Variants in IREB2 observed in about 807,000 individuals in gnomAD.
IREB2 encodes iron responsive element binding protein 2.
A neutral mutation model predicts 118.8 loss-of-function variants in IREB2; 39 were observed. The ratio of observed to expected loss-of-function variants is 0.33; its 90% CI spans 0.25 to 0.43. The LOEUF is 0.43. IREB2 is among the 20% of genes least tolerant of loss of function. The pLI, the probability that IREB2 is intolerant of heterozygous loss-of-function variation, is 1.00. For synonymous variants in IREB2, 372 were observed against 392.2 expected (o/e 0.95, Z 0.61); for missense variants, 900 against 1,147.3 (o/e 0.78, Z 3.11).
In IREB2 at chr15:78,499,078, A is replaced by G. The variant is rs1302817229; in HGVS notation, c.*935A>G. ...CTATACATTTAAATTATCCACCCTCAATAATACGGGTGCTCAACCCTATGC... is the reference window on the plus strand; with the variant it reads ...CTATACATTTAAATTATCCACCCTCGATAATACGGGTGCTCAACCCTATGC... On this transcript the variant is annotated 3_prime_UTR_variant, in exon 22 of 22. Coordinates refer to ENST00000258886, the MANE Select transcript of IREB2 (RefSeq NM_004136.4). 2.0e-5 allele frequency: 3 copies of G among 152,184 alleles called. No individual in the cohort carries two copies. The highest frequency in any genetic ancestry group is 7.2e-5 in the African/African-American group (3 of 41,440). The allele number at this position is 152,184 out of a possible 1,614,324, so 9.4% of individuals were successfully genotyped here. A position where few individuals can be genotyped will look rare whatever the true frequency, so the allele number is the denominator to read the frequency against.
intron 14 of IREB2, 74 bp downstream of exon 14, chr15:78,487,891 T>G: frequency 5.4e-6 from 5 of 932,812 alleles, no homozygotes; most frequent in Non-Finnish European, 8.4e-6. Context: ...ATAGAAAATA[T>G]ATATTGATGT....
intron 2 of IREB2, among the ~76,000 whole-genome samples, chr15:78,456,948 GA>G (rs2051115280): frequency 6.6e-6 from 1 of 152,050 alleles, no homozygotes; most frequent in African/African-American, 2.4e-5. Flanking sequence ...TTTATACTGT[GA>G]AAATGGTAAT....
chr15:78,494,567 T>C (rs922875106), intron 20 of IREB2, among the ~76,000 whole-genome samples: 2 of 152,160 alleles, frequency 1.3e-5, no homozygotes, highest in South Asian at 2.1e-4. Flanking sequence ...TTTATACCTA[T>C]TGATCATTTT....
chr15:78,452,694 C>T (rs1174623155), intron 2 of IREB2, among the ~76,000 whole-genome samples: 1 of 151,994 alleles, frequency 6.6e-6, no homozygotes, highest in Admixed American at 6.6e-5. Context: ...ATCTCTTGAG[C>T]CCAGGAGTTC....
In IREB2 at chr15:78,466,383, C is replaced by T. The variant is rs760542496; in HGVS notation, c.523C>T (p.Arg175Ter). The change falls in exon 5 of 22, where the codon CGA becomes TGA. Residue 175 changes from arginine to a stop codon, truncating the protein, a stop_gained. Transcript: ENST00000258886. LOFTEE classifies it high-confidence loss of function. ...TCCCTGCAGAGGCCAGACTACCTGC[C>T]GAGGATCTTGTGATTCTGGAGAACT... Reference protein sequence around the residue: ...KLPCRGQTTCRGSCDSGELGR... With the variant: ...KLPCRGQTTC The T allele has an allele frequency of 1.2e-6, 2 of 1,613,846 alleles. No homozygotes were observed. The highest frequency in any genetic ancestry group is 8.5e-7 in the Non-Finnish European group (1 of 1,179,868).
At chr15:78,479,296 A>G (rs2051526036) in intron 10 of IREB2, among the ~76,000 whole-genome samples, 4 of 151,744 alleles carry the variant, frequency 2.6e-5, no homozygotes, top group African/African-American at 7.3e-5. Flanking sequence ...TATTTAAGTA[A>G]TGTTATTGTA....
In IREB2 at chr15:78,475,983, C is replaced by G. The variant is rs143647671; in HGVS notation, c.1024-205C>G. Reference sequence around the variant, plus strand: ...TCAGGCCCCTTTCTACCCTGATTAACAGTGACATTGGACCAGTCTTCTCTT... The same window carrying G: ...TCAGGCCCCTTTCTACCCTGATTAAGAGTGACATTGGACCAGTCTTCTCTT... On this transcript the variant is annotated intron_variant, in intron 8 of 21. Transcript: ENST00000258886. 4.4e-4 allele frequency: 173 copies of G among 393,522 alleles called. 1 individual carries two copies. The highest frequency in any genetic ancestry group is 3.1e-3 in the African/African-American group (154 of 49,232). The allele number at this position is 393,522 out of a possible 1,614,324, so 24.4% of individuals were successfully genotyped here. A position where few individuals can be genotyped will look rare whatever the true frequency, so the allele number is the denominator to read the frequency against.
intron 9 of IREB2, among the ~76,000 whole-genome samples, chr15:78,477,430 T>G (rs1026768833): frequency 6.6e-6 from 1 of 152,172 alleles, no homozygotes; most frequent in African/African-American, 2.4e-5. Flanking sequence ...AACAGCAAAT[T>G]ATGAGCTGTC....
At position 78,494,136 on chromosome 15, in the gene IREB2, C is replaced by G; in HGVS notation, c.2473-6C>G. On this transcript the variant is annotated splice_region_variant and splice_polypyrimidine_tract_variant and intron_variant, in intron 19 of 21. Coordinates refer to ENST00000258886, the MANE Select transcript of IREB2 (RefSeq NM_004136.4). ...TAAAAAATTTTGTGTTTGTTTTAAT[C>G]TACAGCTAGATGTATTTGAGGCTGC... is the stretch of plus-strand genomic sequence containing the variant. 1.2e-6 allele frequency: 2 copies of G among 1,613,030 alleles called. No individual in the cohort carries two copies. Among genetic ancestry groups the G allele is most frequent in the Non-Finnish European group, 1.7e-6 (2 of 1,179,698 alleles).
chr15:78,439,716 T>G, intron 1 of IREB2, 79 bp from the exon 2 acceptor site: 1 of 788,008 alleles, frequency 1.3e-6, no homozygotes, highest in Non-Finnish European at 2.1e-6. Context: ...TTCTATTGGA[T>G]AAAGCTAGTT....
intron 18 of IREB2, 78 bp downstream of exon 18, chr15:78,490,839 CT>C: frequency 5.2e-6 from 7 of 1,336,412 alleles, no homozygotes; most frequent in Non-Finnish European, 6.2e-6. Context: ...GGTCTTGTTC[CT>C]TTTTTCCAGT....
At chr15:78,490,570 A>G (rs1472144627) in intron 17 of IREB2, 44 bp downstream of exon 17, 1 of 1,607,726 alleles carries the variant, frequency 6.2e-7, no homozygotes, top group East Asian at 2.2e-5. Flanking sequence ...ATTGTTATAA[A>G]CTAAGAAGTC....
At position 78,466,387 on chromosome 15, in the gene IREB2, G is replaced by C. The variant is rs1341453494; in HGVS notation, c.527G>C (p.Gly176Ala). ...LPCRGQTTCR[G>A]SCDSGELGRN... ...TGCAGAGGCCAGACTACCTGCCGAG[G>C]ATCTTGTGATTCTGGAGAACTAGGC... Residue 176 changes from glycine to alanine, a missense_variant, in exon 5 of 22, where the codon GGA (glycine) becomes GCA (alanine). Physicochemically the swap from Gly to Ala is moderately conservative, Grantham distance 60. Transcript: ENST00000258886. The C allele has an allele frequency of 1.9e-6, 3 of 1,613,962 alleles. No individual in the cohort carries two copies. In the African/African-American group the frequency reaches 4.0e-5, roughly 22 times the overall value.
At chr15:78,480,442 G>T (rs572827465) in intron 10 of IREB2, among the ~76,000 whole-genome samples, 3 of 152,248 alleles carry the variant, frequency 2.0e-5, no homozygotes, top group Admixed American at 2.0e-4. Flanking sequence ...CACTTTGGGA[G>T]GCTGAGGCAG....
intron 10 of IREB2, among the ~76,000 whole-genome samples, chr15:78,478,896 T>TA (rs1472953541): frequency 6.6e-6 from 1 of 152,152 alleles, no homozygotes; most frequent in Non-Finnish European, 1.5e-5. Flanking sequence ...ATTCATAGAA[T>TA]AGTTCCAGGC....
chr15:78,497,515 A>G (rs1294617650), intron 21 of IREB2, among the ~76,000 whole-genome samples: 1 of 152,194 alleles, frequency 6.6e-6, no homozygotes, highest in Non-Finnish European at 1.5e-5. Context: ...CTGGGTGCTT[A>G]TACCAGAAAA....
chr15:78,485,958 G>A, intron 13 of IREB2, 118 bp downstream of exon 13: 1 of 851,172 alleles, frequency 1.2e-6, no homozygotes, highest in Admixed American at 2.4e-5. Context: ...AGTTTTACTT[G>A]CTACCTTGCC....
intron 2 of IREB2, among the ~76,000 whole-genome samples, chr15:78,459,469 C>T (rs1176863659): frequency 1.3e-5 from 2 of 152,112 alleles, no homozygotes; most frequent in Admixed American, 6.5e-5. Context: ...TGAGCCTCAG[C>T]CTCCTGAATA....
intron 2 of IREB2, among the ~76,000 whole-genome samples, chr15:78,443,681 C>G (rs961027827): frequency 1.3e-5 from 2 of 151,880 alleles, no homozygotes; most frequent in African/African-American, 4.8e-5. Context: ...GAGGCTCGCT[C>G]TGTTACCTAG....
Sources: gnomAD v4.1 joint callset for allele counts (sites outside exome capture counted in the v4.1 genomes callset) on GRCh38, gnomAD v4.1.1 for gene constraint, MANE v1.5 for transcripts, NCBI Gene and HGNC (gene_info 2026-07-23, HGNC 2026-07-21) for gene names.